SCLT1: variants seen among roughly 807,000 people sequenced by gnomAD.
SCLT1 encodes the protein sodium channel-associated protein 1.
In SCLT1, 78 loss-of-function variants were observed where a neutral mutation model predicts 112.8. The ratio of observed to expected loss-of-function variants is 0.69; its 90% CI spans 0.58 to 0.83. SCLT1 has a LOEUF of 0.83. SCLT1 is among the 40% of genes least tolerant of loss of function. The pLI, the probability that SCLT1 is intolerant of heterozygous loss-of-function variation, is 0.00. For missense variants in SCLT1, 747 were observed against 770.4 expected (o/e 0.97, Z 0.36); for synonymous variants, 257 against 254.7 (o/e 1.01, Z -0.09).
chr4:129,085,362 T>A (rs1364876478), intron 1 of SCLT1, among the ~76,000 whole-genome samples: 1 of 152,074 alleles, frequency 6.6e-6, no homozygotes, highest in African/African-American at 2.4e-5. Flanking sequence ...AGTCAAAAAA[T>A]AACAGATGCT....
chr4:128,905,031 T>C (rs1449020857), intron 18 of SCLT1, among the ~76,000 whole-genome samples: 1 of 152,172 alleles, frequency 6.6e-6, no homozygotes, highest in Non-Finnish European at 1.5e-5. Context: ...CAAATTTCTA[T>C]CTTTAGCCTG....
intron 13 of SCLT1, among the ~76,000 whole-genome samples, chr4:128,953,846 G>C (rs1432765465): frequency 6.7e-6 from 1 of 150,312 alleles, no homozygotes; most frequent in Non-Finnish European, 1.5e-5. Context: ...AGGTGCTTTT[G>C]ACTCATAAAC....
chr4:128,977,409 T>C (rs373665872), intron 9 of SCLT1, among the ~76,000 whole-genome samples: 5 of 152,180 alleles, frequency 3.3e-5, no homozygotes, highest in African/African-American at 1.2e-4. Flanking sequence ...TCTTCAGCAC[T>C]GGTGATGCAG....
intron 18 of SCLT1, among the ~76,000 whole-genome samples, chr4:128,921,669 T>C (rs1735892266): frequency 6.6e-6 from 1 of 152,184 alleles, no homozygotes; most frequent in African/African-American, 2.4e-5. Flanking sequence ...GAAAATTAAA[T>C]GTAAAACCTA....
chr4:128,994,389 T>C (rs1288374295), intron 8 of SCLT1, among the ~76,000 whole-genome samples: 1 of 152,158 alleles, frequency 6.6e-6, no homozygotes, highest in Non-Finnish European at 1.5e-5. Flanking sequence ...CCACTGTATG[T>C]TTATACATTT....
chr4:128,970,816 CT>C, intron 9 of SCLT1: 1 of 176,986 alleles, frequency 5.7e-6, no homozygotes. Flanking sequence ...GAAGAATATA[CT>C]TATGTCTATA....
At chr4:129,048,264 C>T (rs1441264705) in intron 2 of SCLT1, among the ~76,000 whole-genome samples, 3 of 152,126 alleles carry the variant, frequency 2.0e-5, no homozygotes, top group African/African-American at 7.2e-5. Flanking sequence ...CAGCATGGTA[C>T]TGGTACCAAA....
chr4:128,983,627 T>C (rs968154739), intron 9 of SCLT1, among the ~76,000 whole-genome samples: 3 of 151,866 alleles, frequency 2.0e-5, no homozygotes, highest in Non-Finnish European at 4.4e-5. Context: ...TAACTGGAGG[T>C]TTGAGGAGGA....
At chr4:128,897,228 C>G (rs1345819979) in intron 18 of SCLT1, among the ~76,000 whole-genome samples, 6 of 152,072 alleles carry the variant, frequency 3.9e-5, no homozygotes, top group African/African-American at 1.4e-4. Context: ...TTGTCAGATT[C>G]ACCAAAGTTG....
intron 5 of SCLT1, among the ~76,000 whole-genome samples, chr4:129,023,065 G>C (rs1387299451): frequency 6.6e-6 from 1 of 152,152 alleles, no homozygotes; most frequent in Non-Finnish European, 1.5e-5. Flanking sequence ...AAATGAAGGG[G>C]AAATAAAATC....
chr4:128,948,355 A>AAG (rs1738383848), intron 15 of SCLT1, 141 bp downstream of exon 15: 5 of 1,018,320 alleles, frequency 4.9e-6, no homozygotes, highest in South Asian at 2.2e-5. Context: ...AAAAAAAAAA[A>AAG]AAAAGAAAAG....
intron 2 of SCLT1, among the ~76,000 whole-genome samples, chr4:129,071,859 T>C (rs1199498918): frequency 6.6e-6 from 1 of 152,098 alleles, no homozygotes; most frequent in Non-Finnish European, 1.5e-5. Context: ...GCCAGTGTAC[T>C]TTGGTTTTTT....
chr4:128,982,077 G>T (rs1166161153), intron 9 of SCLT1, among the ~76,000 whole-genome samples: 1 of 152,184 alleles, frequency 6.6e-6, no homozygotes, highest in Non-Finnish European at 1.5e-5. Context: ...GGACAGAAAA[G>T]AATTTATGAT....
At chr4:128,890,265 G>C (rs917466499) in intron 19 of SCLT1, among the ~76,000 whole-genome samples, 1 of 151,962 alleles carries the variant, frequency 6.6e-6, no homozygotes, top group Non-Finnish European at 1.5e-5. Flanking sequence ...TCATCATTTT[G>C]GTTGCTTTTG....
At chr4:129,004,608 T>C (rs1277924172) in intron 5 of SCLT1, among the ~76,000 whole-genome samples, 1 of 152,066 alleles carries the variant, frequency 6.6e-6, no homozygotes, top group East Asian at 1.9e-4. Context: ...TCTTATTTCA[T>C]ATAATCATAA....
intron 18 of SCLT1, among the ~76,000 whole-genome samples, chr4:128,923,957 C>T (rs1421642167): frequency 1.3e-5 from 2 of 151,920 alleles, no homozygotes; most frequent in African/African-American, 4.8e-5. Context: ...TTTAGGCATG[C>T]ACTGCCATGC....
At chr4:128,942,133 T>G (rs932932633) in intron 17 of SCLT1, among the ~76,000 whole-genome samples, 4 of 152,086 alleles carry the variant, frequency 2.6e-5, no homozygotes, top group Non-Finnish European at 5.9e-5. Flanking sequence ...AGTACAAACT[T>G]CTTTTTAAAT....
chr4:129,089,448 A>G (rs1699396), intron 1 of SCLT1, among the ~76,000 whole-genome samples: 39,436 of 152,174 alleles, frequency 0.26, 6,302 homozygotes, highest in Non-Finnish European at 0.35. Context: ...TGTGGAAGAC[A>G]GTGTGGCGAT....
intron 13 of SCLT1, among the ~76,000 whole-genome samples, chr4:128,955,542 T>A (rs1739149089): frequency 6.6e-6 from 1 of 152,168 alleles, no homozygotes; most frequent in African/African-American, 2.4e-5. Flanking sequence ...TGACAATTTA[T>A]TCATTATATT....
Sources: gnomAD v4.1 joint callset for allele counts (sites outside exome capture counted in the v4.1 genomes callset) on GRCh38, gnomAD v4.1.1 for gene constraint, MANE v1.5 for transcripts, NCBI Gene and HGNC (gene_info 2026-07-23, HGNC 2026-07-21) for gene names.